Variants in AGAP1 observed in about 807,000 individuals in gnomAD.
AGAP1 encodes the protein ArfGAP with GTPase domain, ankyrin repeat and PH domain 1.
AGAP1 carries 29 observed loss-of-function variants against 105.3 expected under a neutral mutation model. The observed-to-expected ratio is 0.28, with a 90% confidence interval of 0.21 to 0.38. The LOEUF is 0.38. Among genes scored for constraint, AGAP1 ranks in the 10% least tolerant of loss-of-function variants. The pLI, the probability that AGAP1 is intolerant of heterozygous loss-of-function variation, is 1.00. For missense variants in AGAP1, 998 were observed against 1,165.1 expected (o/e 0.86, Z 2.09); for synonymous variants, 509 against 485.9 (o/e 1.05, Z -0.63).
rs1031863728 is a variant in AGAP1 at position 235,691,808 on chromosome 2, C to T, written c.164-17371C>T. ...GCACTCCTGCCCGCCCCCCATTCAC[C>T]CACTAGGAGAAAGTACTGGATAGGG... On this transcript the variant is annotated intron_variant, in intron 1 of 17. Coordinates refer to ENST00000304032, the MANE Select transcript of AGAP1 (RefSeq NM_001037131.3). This position sits in a 1 kb window ranked among gnomAD's most constrained non-coding sequence, Gnocchi z 4.4. Among the ~76,000 whole-genome samples the T allele has an allele frequency of 6.6e-6, 1 of 152,188 alleles. No homozygotes were observed. Among genetic ancestry groups the T allele is most frequent in the African/African-American group, 2.4e-5 (1 of 41,448 alleles).
chr2:235,652,884 A>C (rs1272493336), intron 1 of AGAP1, among the ~76,000 whole-genome samples: 1 of 151,726 alleles, frequency 6.6e-6, no homozygotes, highest in Non-Finnish European at 1.5e-5. Context: ...CAGGAGAATC[A>C]CTTGAATGGG....
At chr2:235,708,988 A>G (rs753394930) in intron 1 of AGAP1, among the ~76,000 whole-genome samples, 191 bp from the exon 2 acceptor site, 4 of 152,006 alleles carry the variant, frequency 2.6e-5, no homozygotes, top group Non-Finnish European at 5.9e-5. Flanking sequence ...TGGACCTGGA[A>G]CTCCCCACTG....
rs981709706 is a variant in AGAP1, at chr2:236,001,430, G to A, written c.1645+32807G>A. On this transcript the variant is annotated intron_variant, in intron 13 of 17. Coordinates refer to ENST00000304032, the MANE Select transcript of AGAP1 (RefSeq NM_001037131.3). The surrounding 1 kb of genome is among the most constrained non-coding windows in gnomAD (Gnocchi z 4.7). ...CTGGGGAAGGTGTGTGGCTACTAAC[G>A]TGAGCCTGTTAACGTTGAAAATTTC... Among the ~76,000 whole-genome samples the A allele has an allele frequency of 3.3e-5, 5 of 152,204 alleles. No homozygotes were observed. The highest frequency in any genetic ancestry group is 6.5e-5 in the Admixed American group (1 of 15,284).
intron 13 of AGAP1, among the ~76,000 whole-genome samples, chr2:236,017,602 G>A (rs1274100432): frequency 3.3e-5 from 5 of 152,302 alleles, no homozygotes; most frequent in Admixed American, 6.5e-5. Context: ...TCTAGAGGGA[G>A]AACTTGAGCT....
intron 1 of AGAP1, among the ~76,000 whole-genome samples, chr2:235,613,827 G>A (rs1378916426): frequency 3.9e-5 from 6 of 152,256 alleles, no homozygotes; most frequent in Non-Finnish European, 8.8e-5. Context: ...TCCTCCTGCA[G>A]TTCGAGGAGA....
At position 235,720,439 on chromosome 2, in the gene AGAP1, A is replaced by G. The variant is rs533354547; in HGVS notation, c.310+2795A>G. Among the ~76,000 whole-genome samples the G allele has an allele frequency of 6.7e-4, 102 of 152,086 alleles. No homozygotes were observed. Among genetic ancestry groups the G allele is most frequent in the Non-Finnish European group, 1.3e-3 (91 of 67,980 alleles). On this transcript the variant is annotated intron_variant, in intron 3 of 17. Coordinates refer to ENST00000304032, the MANE Select transcript of AGAP1 (RefSeq NM_001037131.3). The surrounding 1 kb of genome is among the most constrained non-coding windows in gnomAD (Gnocchi z 5.0). ...GGCCCAGCCTCACCTGTGGTTACTT[A>G]CCCACACAAAGGTGAGGGCACTCCC...
intron 1 of AGAP1, among the ~76,000 whole-genome samples, chr2:235,696,533 C>T (rs767453134): frequency 6.6e-6 from 1 of 152,192 alleles, no homozygotes; most frequent in Non-Finnish European, 1.5e-5. Flanking sequence ...ACAGACCAAG[C>T]TCACAGGGAT....
chr2:235,944,793 G>A (rs961166720), intron 12 of AGAP1, among the ~76,000 whole-genome samples: 2 of 152,166 alleles, frequency 1.3e-5, no homozygotes, highest in Non-Finnish European at 2.9e-5. Flanking sequence ...CAGCAAGACA[G>A]GCGGGTCAGG....
Position 235,652,018 on chromosome 2 carries a change from G to T in AGAP1, c.164-57161G>T, listed in dbSNP as rs533854068. On this transcript the variant is annotated intron_variant, in intron 1 of 17. Coordinates refer to ENST00000304032, the MANE Select transcript of AGAP1 (RefSeq NM_001037131.3). ...CACCCCTTTTGTTTTTTGAACGCTC[G>T]ACTTTTTTGATGGTTATAATTGAGA... Among the ~76,000 whole-genome samples, 9 of 152,184 alleles carry T rather than the reference G, an allele frequency of 5.9e-5. No homozygotes were observed. The South Asian group carries it at 1.5e-3, about 25-fold the overall frequency.
rs901945738 is a variant in AGAP1 at position 235,981,449 on chromosome 2, G to GTA, written c.1645+12827_1645+12828dup. On this transcript the variant is annotated intron_variant, in intron 13 of 17. Coordinates refer to ENST00000304032, the MANE Select transcript of AGAP1 (RefSeq NM_001037131.3). The surrounding 1 kb of genome is among the most constrained non-coding windows in gnomAD (Gnocchi z 5.5). ...GAATTTCTAAGTTCATGTTCCATGC[G>GTA]TACACACACACACACACACACACAC... 3.8e-5 allele frequency among the ~76,000 whole-genome samples: 4 copies of GTA among 104,582 alleles called. No homozygotes were observed. In the Admixed American group the frequency reaches 3.9e-4, roughly 10 times the overall value. 68.6% of individuals were successfully genotyped at this position (104,582 alleles called of 152,430 possible).
intron 1 of AGAP1, among the ~76,000 whole-genome samples, chr2:235,606,493 A>G (rs1945942161): frequency 6.6e-6 from 1 of 152,220 alleles, no homozygotes; most frequent in African/African-American, 2.4e-5. Context: ...AATGTCTAGT[A>G]TCACATCCAT....
In AGAP1 at chr2:235,792,028, A is replaced by G. The variant is rs1957008356; in HGVS notation, c.674-5731A>G. Among the ~76,000 whole-genome samples, 1 of 152,202 alleles carries G rather than the reference A, an allele frequency of 6.6e-6. No individual in the cohort carries two copies. Among genetic ancestry groups the G allele is most frequent in the African/African-American group, 2.4e-5 (1 of 41,444 alleles). ...CAGTGTGTCTATGGTGAGCATTTAA[A>G]ATACGGTTTTATTGGAGGTGTGGTT... On this transcript the variant is annotated intron_variant, in intron 6 of 17. Transcript: ENST00000304032. The surrounding 1 kb of genome is among the most constrained non-coding windows in gnomAD (Gnocchi z 5.3).
Position 235,753,950 on chromosome 2 carries a change from G to A in AGAP1, c.673+3462G>A, listed in dbSNP as rs937955828. ...ATTGTTAGTGAGAAAAGTAGTTGCTGAGTAGGAGCTTTATTCAGTACTTAG... is the reference window on the plus strand; with the variant it reads ...ATTGTTAGTGAGAAAAGTAGTTGCTAAGTAGGAGCTTTATTCAGTACTTAG... On this transcript the variant is annotated intron_variant, in intron 6 of 17. Transcript: ENST00000304032. The surrounding 1 kb of genome is among the most constrained non-coding windows in gnomAD (Gnocchi z 4.5). 6.6e-6 allele frequency among the ~76,000 whole-genome samples: 1 copy of A among 152,164 alleles called. No individual in the cohort carries two copies. The highest frequency in any genetic ancestry group is 2.4e-5 in the African/African-American group (1 of 41,424).
At chr2:236,041,744 C>T (rs577938742) in intron 15 of AGAP1, among the ~76,000 whole-genome samples, 4 of 152,282 alleles carry the variant, frequency 2.6e-5, no homozygotes, top group African/African-American at 4.8e-5. Flanking sequence ...ACGTGCATGG[C>T]GTGGTGGGTC....
In AGAP1 at chr2:235,565,556, T is replaced by C. The variant is rs569564391; in HGVS notation, c.163+70707T>C. Among the ~76,000 whole-genome samples, 8 of 152,346 alleles carry C rather than the reference T, an allele frequency of 5.3e-5. No individual in the cohort carries two copies. The South Asian group carries it at 1.5e-3, about 28-fold the overall frequency. ...CAGGGATTCCTGTGTGTGAATGTTA[T>C]TATGAAGGTGCTTTACCTCATTAGT... On this transcript the variant is annotated intron_variant, in intron 1 of 17. Transcript: ENST00000304032.
In AGAP1 at chr2:235,855,593, G is replaced by A. The variant is rs531487848; in HGVS notation, c.1051-27752G>A. Among the ~76,000 whole-genome samples the A allele has an allele frequency of 2.5e-4, 38 of 152,188 alleles. No homozygotes were observed. The highest frequency in any genetic ancestry group is 9.2e-4 in the Admixed American group (14 of 15,274). On this transcript the variant is annotated intron_variant, in intron 9 of 17. Transcript: ENST00000304032. This position sits in a 1 kb window ranked among gnomAD's most constrained non-coding sequence, Gnocchi z 5.0. ...GGGTATCATTCTTTCCTTTAGATTC[G>A]TTGCCCTGAACTTTTGATTTTGATA...
Position 235,883,165 on chromosome 2 carries a change from A to G in AGAP1, c.1051-180A>G, listed in dbSNP as rs1416754774. Among the ~76,000 whole-genome samples the G allele has an allele frequency of 6.6e-6, 1 of 152,002 alleles. No individual in the cohort carries two copies. On this transcript the variant is annotated intron_variant, in intron 9 of 17. Transcript: ENST00000304032. This position sits in a 1 kb window ranked among gnomAD's most constrained non-coding sequence, Gnocchi z 4.5. ...AATTATCCAAAAGATCTAGTGTAGC[A>G]CGTCTCAATGTGTTTGTGTCGTATT...
In AGAP1 at chr2:235,958,781, A is replaced by C. The variant is rs1204369805; in HGVS notation, c.1484-9681A>C. Among the ~76,000 whole-genome samples, 3 of 152,184 alleles carry C rather than the reference A, an allele frequency of 2.0e-5. No homozygotes were observed. The highest frequency in any genetic ancestry group is 4.4e-5 in the Non-Finnish European group (3 of 68,028). On this transcript the variant is annotated intron_variant, in intron 12 of 17. Coordinates refer to ENST00000304032, the MANE Select transcript of AGAP1 (RefSeq NM_001037131.3). The surrounding 1 kb of genome is among the most constrained non-coding windows in gnomAD (Gnocchi z 4.1). ...CATTCCTGGCCCATCAGTCTCAAGC[A>C]GGCTGCTTGATATTTATGCGGACGG... is the stretch of plus-strand genomic sequence containing the variant.
chr2:235,793,077 C>T lies in AGAP1; in HGVS notation c.674-4682C>T, dbSNP rs1957072875. Reference sequence around the variant, plus strand: ...GGTTCATGGAAGCCCGAGGAGGATGCAGAAGAGGAAAGGAGGGAATGACGA... The same window carrying T: ...GGTTCATGGAAGCCCGAGGAGGATGTAGAAGAGGAAAGGAGGGAATGACGA... On this transcript the variant is annotated intron_variant, in intron 6 of 17. Transcript: ENST00000304032. This position sits in a 1 kb window ranked among gnomAD's most constrained non-coding sequence, Gnocchi z 5.3. 6.6e-6 allele frequency among the ~76,000 whole-genome samples: 1 copy of T among 152,086 alleles called. No individual in the cohort carries two copies. Among genetic ancestry groups the T allele is most frequent in the African/African-American group, 2.4e-5 (1 of 41,418 alleles).
Sources: gnomAD v4.1 joint callset for allele counts (sites outside exome capture counted in the v4.1 genomes callset) on GRCh38, gnomAD v4.1.1 for gene constraint, Gnocchi (gnomAD v3.1) non-coding constraint, MANE v1.5 for transcripts, NCBI Gene and HGNC (gene_info 2026-07-23, HGNC 2026-07-21) for gene names.